KCNAB1: variants seen among roughly 807,000 people sequenced by gnomAD.
The protein encoded by KCNAB1 is potassium voltage-gated channel subfamily A regulatory beta subunit 1.
A neutral mutation model predicts 64.6 loss-of-function variants in KCNAB1; 35 were observed. That is an observed-to-expected ratio of 0.54 (90% CI 0.41 to 0.72). The LOEUF is 0.72. Among genes scored for constraint, KCNAB1 ranks in the 30% least tolerant of loss-of-function variants. The pLI is 0.00. For synonymous variants in KCNAB1, 177 were observed against 183.8 expected, an observed-to-expected ratio of 0.96 and a Z score of 0.30; for missense variants, 401 against 512.9, an observed-to-expected ratio of 0.78 and a Z score of 2.11.
chr3:156,376,058 G>A (rs1410984039), intron 1 of KCNAB1, among the ~76,000 whole-genome samples: 14 of 152,330 alleles, frequency 9.2e-5, no homozygotes, highest in South Asian at 4.1e-4. Context: ...GACCTCAAGC[G>A]ATCCACCCGC....
At chr3:156,340,274 AT>A (rs372402215) in intron 1 of KCNAB1, among the ~76,000 whole-genome samples, 287 of 152,322 alleles carry the variant, frequency 1.9e-3, no homozygotes, top group South Asian at 9.5e-3. Flanking sequence ...AGCTGAAAAA[AT>A]AAAATAAAAC....
chr3:156,410,077 G>A (rs1318160602), intron 1 of KCNAB1, among the ~76,000 whole-genome samples: 1 of 152,214 alleles, frequency 6.6e-6, no homozygotes, highest in Non-Finnish European at 1.5e-5. Context: ...CAATGTTCTG[G>A]CAATGTGAGA....
chr3:156,419,089 A>C (rs145546636), intron 1 of KCNAB1, among the ~76,000 whole-genome samples: 3 of 152,360 alleles, frequency 2.0e-5, no homozygotes, highest in South Asian at 4.1e-4. Flanking sequence ...CCCATAACAG[A>C]GTGATCATTA....
At position 156,515,334 on chromosome 3, in the gene KCNAB1, A is replaced by G. The variant is rs72558059; in HGVS notation, c.865+114A>G. 4.3e-4 allele frequency: 410 copies of G among 946,432 alleles called. 2 individuals are homozygous for G. The African/African-American group carries it at 6.0e-3, about 14-fold the overall frequency. The allele number at this position is 946,432 out of a possible 1,614,324, so 58.6% of individuals were successfully genotyped here. A position where few individuals can be genotyped will look rare whatever the true frequency, so the allele number is the denominator to read the frequency against. On this transcript the variant is annotated intron_variant, in intron 10 of 13. Transcript: ENST00000490337. ...GCTTTCCTAAATGTCCCTAATTAAC[A>G]TAGACATTGTAAGAACCATGCATTC...
chr3:156,237,118 A>T (rs1716898334), intron 1 of KCNAB1, among the ~76,000 whole-genome samples: 1 of 152,212 alleles, frequency 6.6e-6, no homozygotes, highest in Non-Finnish European at 1.5e-5. Context: ...GTTAGAAAAG[A>T]GTAGCTTGAA....
At chr3:156,490,449 A>G (rs1352183099) in intron 8 of KCNAB1, among the ~76,000 whole-genome samples, 3 of 152,126 alleles carry the variant, frequency 2.0e-5, no homozygotes, top group African/African-American at 7.2e-5. Flanking sequence ...AGTAATGCAG[A>G]GAGATACAGA....
At chr3:156,191,506 A>G (rs1213899698) in intron 1 of KCNAB1, among the ~76,000 whole-genome samples, 2 of 152,200 alleles carry the variant, frequency 1.3e-5, no homozygotes, top group Non-Finnish European at 2.9e-5. Flanking sequence ...TAAAGCCTAT[A>G]TGCAACCCCC....
chr3:156,224,845 G>A (rs1360133874), intron 1 of KCNAB1, among the ~76,000 whole-genome samples: 1 of 152,138 alleles, frequency 6.6e-6, no homozygotes, highest in Non-Finnish European at 1.5e-5. Context: ...AATTCCTGGA[G>A]AAATAACCTC....
chr3:156,401,826 C>T (rs542149137), intron 1 of KCNAB1, among the ~76,000 whole-genome samples: 3 of 151,004 alleles, frequency 2.0e-5, no homozygotes, highest in South Asian at 2.1e-4. Flanking sequence ...CCTGGCAAGG[C>T]AGCATTAAGA....
chr3:156,460,994 C>G (rs1237257065), intron 5 of KCNAB1, among the ~76,000 whole-genome samples: 1 of 152,188 alleles, frequency 6.6e-6, no homozygotes. Flanking sequence ...TTCTCCTTCT[C>G]CCTTCTCCCT....
chr3:156,184,168 A>G (rs1377809191), intron 1 of KCNAB1, among the ~76,000 whole-genome samples: 1 of 152,234 alleles, frequency 6.6e-6, no homozygotes, highest in East Asian at 1.9e-4. Context: ...AAGACAGTCC[A>G]AAGCTTATAC....
chr3:156,166,940 G>A (rs1355596071), intron 1 of KCNAB1, among the ~76,000 whole-genome samples: 1 of 152,152 alleles, frequency 6.6e-6, no homozygotes. Flanking sequence ...CAGGACATTG[G>A]AAGTCATCCT....
chr3:156,417,606 C>T (rs551823324), intron 1 of KCNAB1, among the ~76,000 whole-genome samples: 1 of 152,206 alleles, frequency 6.6e-6, no homozygotes, highest in South Asian at 2.1e-4. Flanking sequence ...TACGAATTTT[C>T]TGCTTTTAGC....
At chr3:156,458,276 G>C (rs1427730006) in intron 4 of KCNAB1, among the ~76,000 whole-genome samples, 1 of 152,204 alleles carries the variant, frequency 6.6e-6, no homozygotes, top group Non-Finnish European at 1.5e-5. Context: ...CAGGCCTCAA[G>C]GTTCAGGCCA....
At chr3:156,354,288 G>A (rs1414219329) in intron 1 of KCNAB1, among the ~76,000 whole-genome samples, 3 of 150,780 alleles carry the variant, frequency 2.0e-5, no homozygotes, top group African/African-American at 7.3e-5. Flanking sequence ...TCTGCCTCCC[G>A]AGCAGCTGGG....
intron 1 of KCNAB1, among the ~76,000 whole-genome samples, chr3:156,387,213 C>T (rs535822756): frequency 4.5e-4 from 69 of 151,840 alleles, no homozygotes; most frequent in South Asian, 1.0e-3. Context: ...GAAGCAGCCC[C>T]GGGCCAGAAA....
intron 1 of KCNAB1, among the ~76,000 whole-genome samples, chr3:156,409,551 A>G (rs1488829384): frequency 2.6e-5 from 4 of 152,156 alleles, no homozygotes; most frequent in Non-Finnish European, 5.9e-5. Flanking sequence ...TGAGAGGACA[A>G]TCTTTTCACC....
At chr3:156,478,137 CCA>C (rs1395203607) in intron 8 of KCNAB1, among the ~76,000 whole-genome samples, 1 of 152,086 alleles carries the variant, frequency 6.6e-6, no homozygotes, top group Admixed American at 6.6e-5. Flanking sequence ...AAAATCATCA[CCA>C]GATAGTTGTC....
chr3:156,138,334 G>A (rs1399776243), intron 1 of KCNAB1, among the ~76,000 whole-genome samples: 2 of 152,134 alleles, frequency 1.3e-5, no homozygotes, highest in African/African-American at 4.8e-5. Flanking sequence ...AGAAAAATAT[G>A]CGCTGGACTG....
Sources: allele counts gnomAD v4.1 joint callset (sites outside exome capture counted in the v4.1 genomes callset), GRCh38; gene constraint gnomAD v4.1.1; transcripts MANE v1.5; gene names NCBI Gene and HGNC (gene_info 2026-07-23, HGNC 2026-07-21).